The following ADAMTS17 variants were observed in gnomAD, a reference collection of about 807,000 sequenced individuals.
ADAMTS17 encodes ADAM metallopeptidase with thrombospondin type 1 motif 17.
In ADAMTS17, 113 loss-of-function variants were observed where a neutral mutation model predicts 141.5. That is an observed-to-expected ratio of 0.80 (90% CI 0.69 to 0.93). The LOEUF is 0.93. ADAMTS17 is among the 40% of genes least tolerant of loss of function. The pLI, the probability that ADAMTS17 is intolerant of heterozygous loss-of-function variation, is 0.00. For synonymous variants in ADAMTS17, 768 were observed against 630.6 expected, an observed-to-expected ratio of 1.22 and a Z score of -3.27; for missense variants, 1,659 against 1,517.9, an observed-to-expected ratio of 1.09 and a Z score of -1.54.
chr15:99,999,525 T>G (rs1314087640), intron 18 of ADAMTS17, among the ~76,000 whole-genome samples: 3 of 144,506 alleles, frequency 2.1e-5, no homozygotes, highest in Admixed American at 6.9e-5. Context: ...GCTGGCGGGG[T>G]GGAGGCGGAG....
rs10712411 is a variant in ADAMTS17, at chr15:100,114,158, CTTT to C, written c.1888+2686_1888+2688del. On this transcript the variant is annotated intron_variant, in intron 13 of 21. Transcript: ENST00000268070. Reference sequence around the variant, plus strand: ...TCTACCTCTGCAAGAATTCTTTCTTCTTTTTTTTTTTTTTTTTAAAAAAAGGAA... The same window carrying C: ...TCTACCTCTGCAAGAATTCTTTCTTCTTTTTTTTTTTTTTAAAAAAAGGAA... Among the ~76,000 whole-genome samples the C allele has an allele frequency of 9.0e-3, 1,279 of 142,632 alleles. 15 individuals carry two copies. Among genetic ancestry groups the C allele is most frequent in the African/African-American group, 0.031 (1,172 of 38,416 alleles). The allele number at this position is 142,632 out of a possible 152,430, so 93.6% of individuals were successfully genotyped here. A position where few individuals can be genotyped will look rare whatever the true frequency, so the allele number is the denominator to read the frequency against.
intron 3 of ADAMTS17, among the ~76,000 whole-genome samples, chr15:100,301,361 G>T (rs58367630): frequency 1.9e-3 from 281 of 151,238 alleles, no homozygotes; most frequent in Non-Finnish European, 3.3e-3. Context: ...CGGAGTCTCT[G>T]TTGCCCAGGC....
intron 15 of ADAMTS17, among the ~76,000 whole-genome samples, chr15:100,066,051 G>A (rs990918532): frequency 3.3e-5 from 5 of 152,202 alleles, no homozygotes; most frequent in African/African-American, 1.2e-4. Flanking sequence ...CAAAGGACAT[G>A]AACTCATTCT....
At chr15:100,292,834 G>A (rs2044690543) in intron 3 of ADAMTS17, among the ~76,000 whole-genome samples, 1 of 152,198 alleles carries the variant, frequency 6.6e-6, no homozygotes. Context: ...AAAGAATCAT[G>A]CTGGATTATA....
intron 3 of ADAMTS17, among the ~76,000 whole-genome samples, chr15:100,296,968 A>T (rs1265231418): frequency 1.3e-5 from 2 of 152,262 alleles, no homozygotes; most frequent in African/African-American, 2.4e-5. Flanking sequence ...TAAACATTCT[A>T]CATGTGACAG....
At chr15:100,248,386 G>T (rs1407866201) in intron 7 of ADAMTS17, among the ~76,000 whole-genome samples, 1 of 152,182 alleles carries the variant, frequency 6.6e-6, no homozygotes, top group Non-Finnish European at 1.5e-5. Flanking sequence ...TTGGAGAGAA[G>T]CGGCTGCTGT....
intron 4 of ADAMTS17, among the ~76,000 whole-genome samples, chr15:100,264,970 TTAC>T (rs1189661016): frequency 6.6e-6 from 1 of 152,186 alleles, no homozygotes; most frequent in East Asian, 1.9e-4. Context: ...TAAGTGTATT[TTAC>T]TACAATTAAA....
intron 15 of ADAMTS17, among the ~76,000 whole-genome samples, chr15:100,073,284 G>C (rs1479171543): frequency 2.0e-5 from 3 of 152,198 alleles, no homozygotes; most frequent in Non-Finnish European, 4.4e-5. Flanking sequence ...AGAGGATGTG[G>C]AGAAATAGGA....
intron 12 of ADAMTS17, 40 bp from the exon 13 acceptor site, chr15:100,117,053 G>C: frequency 6.4e-7 from 1 of 1,563,504 alleles, no homozygotes; most frequent in Non-Finnish European, 8.6e-7. Flanking sequence ...CAGGTGGTGC[G>C]ACCAAAGGGC....
chr15:100,166,072 C>A (rs1295613756), intron 8 of ADAMTS17, among the ~76,000 whole-genome samples: 1 of 152,134 alleles, frequency 6.6e-6, no homozygotes. Flanking sequence ...ACATAGGGCA[C>A]CTCTTCATTT....
At chr15:99,999,737 G>T (rs1350690797) in intron 18 of ADAMTS17, among the ~76,000 whole-genome samples, 1 of 152,150 alleles carries the variant, frequency 6.6e-6, no homozygotes, top group Non-Finnish European at 1.5e-5. Context: ...CAGAAGCAGC[G>T]GCAGGGAGAC....
intron 8 of ADAMTS17, among the ~76,000 whole-genome samples, chr15:100,171,006 T>C (rs777034875): frequency 2.6e-5 from 4 of 152,122 alleles, no homozygotes; most frequent in African/African-American, 4.8e-5. Context: ...GCTTCCTAGG[T>C]GCCTGCTGCC....
intron 7 of ADAMTS17, among the ~76,000 whole-genome samples, chr15:100,214,037 G>A (rs1270315812): frequency 6.6e-6 from 1 of 152,234 alleles, no homozygotes; most frequent in Non-Finnish European, 1.5e-5. Flanking sequence ...TAGTTACGGA[G>A]AGTGAGGGTT....
intron 8 of ADAMTS17, among the ~76,000 whole-genome samples, chr15:100,185,915 T>C (rs958125368): frequency 6.6e-6 from 1 of 152,172 alleles, no homozygotes; most frequent in Admixed American, 6.5e-5. Flanking sequence ...CACCGCCTTC[T>C]TCATTTCCGA....
intron 6 of ADAMTS17, among the ~76,000 whole-genome samples, chr15:100,258,520 A>G (rs1206355534): frequency 1.3e-5 from 2 of 152,202 alleles, no homozygotes; most frequent in Non-Finnish European, 2.9e-5. Flanking sequence ...ATCATGGTGG[A>G]AGGCGAAAGG....
In ADAMTS17 at chr15:100,053,060, C is replaced by T. The variant is rs182859845; in HGVS notation, c.2295+837G>A. On this transcript the variant is annotated intron_variant, in intron 16 of 21. Transcript: ENST00000268070. ...ATCACAAATTAACGGGGAAGAAGAA[C>T]TTCCACGGAGAGACTCTGGCAGGCA... Among the ~76,000 whole-genome samples the T allele has an allele frequency of 1.1e-3, 169 of 152,316 alleles. 1 individual carries two copies. The highest frequency in any genetic ancestry group is 3.9e-3 in the African/African-American group (161 of 41,568).
In ADAMTS17 at chr15:100,341,322, G is replaced by A. The variant is rs1483115938; in HGVS notation, c.167C>T (p.Ala56Val). 2.9e-6 allele frequency: 3 copies of A among 1,031,672 alleles called. No homozygotes were observed. The highest frequency in any genetic ancestry group is 2.3e-6 in the Non-Finnish European group (2 of 862,366). 63.9% of individuals were successfully genotyped at this position (1,031,672 alleles called of 1,614,324 possible). ...DDVHLPPLPA[A>V]PGPRRRRRPR... ...GCGTCGCCGCCGTCGGGGCCCGGGGGCTGCGGGCAGCGGCGGCAGGTGCAC... is the reference window on the plus strand; with the variant it reads ...GCGTCGCCGCCGTCGGGGCCCGGGGACTGCGGGCAGCGGCGGCAGGTGCAC... Residue 56 changes from alanine (A) to valine (V), a missense_variant, in exon 2 of 22, where the codon GCC becomes GTC. By Grantham distance (64) the Ala-to-Val change is moderately conservative (BLOSUM62 0). Coordinates refer to ENST00000268070, the MANE Select transcript of ADAMTS17 (RefSeq NM_139057.4).
chr15:100,278,468 G>A (rs1253946913), intron 4 of ADAMTS17, among the ~76,000 whole-genome samples: 2 of 152,192 alleles, frequency 1.3e-5, no homozygotes, highest in African/African-American at 4.8e-5. Flanking sequence ...ACGTCGGAAA[G>A]CAGATCCCTG....
At chr15:100,328,777 G>A (rs544130608) in intron 3 of ADAMTS17, among the ~76,000 whole-genome samples, 18 of 152,246 alleles carry the variant, frequency 1.2e-4, no homozygotes, top group African/African-American at 4.3e-4. Flanking sequence ...GATGGAAGGC[G>A]GCCATTAGAC....
Sources: allele counts gnomAD v4.1 joint callset (sites outside exome capture counted in the v4.1 genomes callset), GRCh38; gene constraint gnomAD v4.1.1; transcripts MANE v1.5; gene names NCBI Gene and HGNC (gene_info 2026-07-23, HGNC 2026-07-21).